SIPA1L1: variants seen among roughly 807,000 people sequenced by gnomAD.
SIPA1L1 encodes the protein signal induced proliferation associated 1 like 1, also known as signal-induced proliferation-associated 1-like protein 1.
In SIPA1L1, 26 loss-of-function variants were observed where a neutral mutation model predicts 162.7. The observed-to-expected ratio is 0.16, with a 90% CI of 0.12 to 0.22. SIPA1L1 has a LOEUF of 0.22. SIPA1L1 is among the 10% of genes least tolerant of loss of function. The probability of loss-of-function intolerance (pLI) is 1.00; values close to 1 mark genes in which losing one functional copy is unlikely to be tolerated. For synonymous variants in SIPA1L1, 829 were observed against 837.4 expected, an observed-to-expected ratio of 0.99 and a Z score of 0.17; for missense variants, 1,874 against 2,241.0, an observed-to-expected ratio of 0.84 and a Z score of 3.31.
At chr14:71,404,932 T>C (rs1277141723) in intron 2 of SIPA1L1, among the ~76,000 whole-genome samples, 1 of 152,240 alleles carries the variant, frequency 6.6e-6, no homozygotes, top group Non-Finnish European at 1.5e-5. Flanking sequence ...TGGTTCTTGG[T>C]ATTGTAATAG....
intron 17 of SIPA1L1, among the ~76,000 whole-genome samples, chr14:71,717,285 G>A (rs1248422350): frequency 6.6e-6 from 1 of 152,114 alleles, no homozygotes; most frequent in African/African-American, 2.4e-5. Context: ...ATCTAAGGTT[G>A]TTCCTTTTTA....
At chr14:71,692,281 T>G (rs1338473260) in intron 13 of SIPA1L1, among the ~76,000 whole-genome samples, 1 of 152,198 alleles carries the variant, frequency 6.6e-6, no homozygotes, top group African/African-American at 2.4e-5. Flanking sequence ...AATTATTTGG[T>G]TTTTGTTGAC....
At chr14:71,574,838 A>G (rs1374817853) in intron 4 of SIPA1L1, 2 of 152,188 alleles carry the variant, frequency 1.3e-5, no homozygotes, top group Non-Finnish European at 2.9e-5. Context: ...GGAAAATCTC[A>G]CTTAGAAATC....
At chr14:71,405,567 G>C (rs1000232295) in intron 2 of SIPA1L1, among the ~76,000 whole-genome samples, 1 of 152,148 alleles carries the variant, frequency 6.6e-6, no homozygotes. Context: ...TGCCCCTTCT[G>C]GGGTAAAGGC....
chr14:71,739,199 C>G lies in SIPA1L1; in HGVS notation c.*38C>G, dbSNP rs1276060124. On this transcript the variant is annotated 3_prime_UTR_variant, in exon 24 of 24. Transcript: ENST00000381232. ...AGGACAGGAGAAGGGCCCAGACACT[C>G]CCTCCAGTGAGTGTCCTGCAGCCCT... The G allele has an allele frequency of 6.3e-7, 1 of 1,577,190 alleles. No individual in the cohort carries two copies. The highest frequency in any genetic ancestry group is 1.2e-5 in the South Asian group (1 of 86,256).
intron 22 of SIPA1L1, chr14:71,735,642 C>A (rs1463046804): frequency 2.6e-6 from 1 of 378,270 alleles, no homozygotes; most frequent in East Asian, 4.9e-5. Flanking sequence ...TACATTTATG[C>A]CCTCAGGGCC....
chr14:71,689,103 GA>G (rs1044245255), intron 13 of SIPA1L1, among the ~76,000 whole-genome samples: 1 of 151,744 alleles, frequency 6.6e-6, no homozygotes, highest in Non-Finnish European at 1.5e-5. Context: ...AGGTCATTAG[GA>G]ACAAAAAAAA....
At chr14:71,437,360 T>C (rs781068104) in intron 2 of SIPA1L1, among the ~76,000 whole-genome samples, 3 of 152,078 alleles carry the variant, frequency 2.0e-5, no homozygotes, top group Non-Finnish European at 2.9e-5. Context: ...AAACTACATA[T>C]ATATTTTACA....
intron 13 of SIPA1L1, among the ~76,000 whole-genome samples, chr14:71,693,506 A>G (rs2081396631): frequency 6.6e-6 from 1 of 152,162 alleles, no homozygotes; most frequent in African/African-American, 2.4e-5. Flanking sequence ...CTCAAAAAAA[A>G]AAGAACAGGA....
chr14:71,573,392 C>T, intron 4 of SIPA1L1: 1 of 357,348 alleles, frequency 2.8e-6, no homozygotes, highest in Non-Finnish European at 5.5e-6. Context: ...AAATAAGATG[C>T]AGTTCCTGGC....
At chr14:71,499,979 A>C (rs1368388063) in intron 2 of SIPA1L1, among the ~76,000 whole-genome samples, 3 of 152,186 alleles carry the variant, frequency 2.0e-5, no homozygotes, top group African/African-American at 7.2e-5. Context: ...AATTATGCCA[A>C]ATTTGTTAGA....
chr14:71,554,742 T>C (rs1157240697), intron 4 of SIPA1L1, among the ~76,000 whole-genome samples: 1 of 152,246 alleles, frequency 6.6e-6, no homozygotes, highest in East Asian at 1.9e-4. Context: ...CCACACTTTT[T>C]ATAATATTTA....
intron 7 of SIPA1L1, among the ~76,000 whole-genome samples, chr14:71,635,300 A>T (rs1470499430): frequency 6.6e-6 from 1 of 152,162 alleles, no homozygotes; most frequent in African/African-American, 2.4e-5. Flanking sequence ...AACAAACAGA[A>T]AAAAAGGGAT....
intron 12 of SIPA1L1, among the ~76,000 whole-genome samples, chr14:71,683,977 G>C (rs924095511): frequency 6.6e-6 from 1 of 152,174 alleles, no homozygotes; most frequent in Admixed American, 6.5e-5. Context: ...GTATGTCTTA[G>C]GTTGTCATCC....
intron 2 of SIPA1L1, among the ~76,000 whole-genome samples, chr14:71,442,570 T>C (rs542968652): frequency 3.2e-4 from 48 of 152,158 alleles, no homozygotes; most frequent in Non-Finnish European, 5.4e-4. Flanking sequence ...CTTTTGTCTA[T>C]AAATATTAAG....
intron 22 of SIPA1L1, among the ~76,000 whole-genome samples, chr14:71,736,717 G>C (rs76481942): frequency 4.5e-4 from 69 of 152,280 alleles, no homozygotes; most frequent in South Asian, 6.2e-4. Flanking sequence ...AATGTGCCTC[G>C]TTAGGAAGGA....
At chr14:71,356,583 A>AAAAAAAAAAAAAAAAAAAAAAAAAC (rs2037283047) in intron 2 of SIPA1L1, among the ~76,000 whole-genome samples, 1 of 145,686 alleles carries the variant, frequency 6.9e-6, no homozygotes, top group Non-Finnish European at 1.5e-5. Flanking sequence ...AAAAAAAAAA[A>AAAAAAAAAAAAAAAAAAAAAAAAAC]AAAAGCACAC....
intron 16 of SIPA1L1, 24 bp from the exon 17 acceptor site, chr14:71,709,198 A>C: frequency 6.3e-7 from 1 of 1,582,052 alleles, no homozygotes; most frequent in Non-Finnish European, 8.6e-7. Context: ...CTTTGCACTC[A>C]AATAAATTCT....
chr14:71,738,199 T>C, intron 22 of SIPA1L1, 42 bp from the exon 23 acceptor site: 1 of 822,450 alleles, frequency 1.2e-6, no homozygotes, highest in Non-Finnish European at 1.9e-6. Context: ...AACCCAGCCA[T>C]GGAGGCCCCT....
Sources: gnomAD v4.1 joint callset for allele counts (sites outside exome capture counted in the v4.1 genomes callset) on GRCh38, gnomAD v4.1.1 for gene constraint, MANE v1.5 for transcripts, NCBI Gene and HGNC (gene_info 2026-07-23, HGNC 2026-07-21) for gene names.